Variants in ENAM observed in about 807,000 individuals in gnomAD.
ENAM encodes amelogenesis imperfecta 2, hypocalcification (autosomal dominant).
A neutral mutation model predicts 33.6 loss-of-function variants in ENAM; 21 were observed. The ratio of observed to expected loss-of-function variants is 0.63; its 90% CI spans 0.44 to 0.90. The LOEUF is 0.90. Ranked by LOEUF, ENAM falls within the 40% of genes least tolerant of loss-of-function variation. The pLI is 0.00. For missense variants in ENAM, 1,388 were observed against 1,366.9 expected, an observed-to-expected ratio of 1.02 and a Z score of -0.24; for synonymous variants, 473 against 468.4, an observed-to-expected ratio of 1.01 and a Z score of -0.13.
intron 8 of ENAM, 45 bp downstream of exon 8, chr4:70,637,888 A>C: frequency 7.1e-7 from 1 of 1,406,776 alleles, no homozygotes; most frequent in East Asian, 2.3e-5. Flanking sequence ...ATTACAATCC[A>C]TTCGCCCCTG....
intron 8 of ENAM, among the ~76,000 whole-genome samples, chr4:70,638,368 C>A (rs757357217): frequency 6.7e-6 from 1 of 149,388 alleles, no homozygotes; most frequent in Non-Finnish European, 1.5e-5. Context: ...GAGCTTACTT[C>A]TTTTTCCCTA....
intron 7 of ENAM, among the ~76,000 whole-genome samples, chr4:70,636,596 C>A (rs1738457273): frequency 6.6e-6 from 1 of 152,060 alleles, no homozygotes; most frequent in Admixed American, 6.6e-5. Context: ...AGGTGAAACC[C>A]CGTCTCTACT....
In ENAM at chr4:70,642,217, G is replaced by C. The variant is rs764445290; in HGVS notation, c.791G>C (p.Gly264Ala). 6.2e-7 allele frequency: 1 copy of C among 1,614,110 alleles called. No individual in the cohort carries two copies. Among genetic ancestry groups the C allele is most frequent in the Admixed American group, 1.7e-5 (1 of 60,016 alleles). Residue 264 changes from glycine (G) to alanine (A), a missense_variant, in exon 9 of 9, where the codon GGA becomes GCA. By Grantham distance (60) the Gly-to-Ala change is moderately conservative. Transcript: ENST00000396073. ...TQPNPKGSQG[G>A]NDTSPTGNST... ...CCAAATCCTAAAGGGAGTCAGGGAG[G>C]AAATGACACCAGCCCCACAGGAAAC...
Position 70,642,924 on chromosome 4 carries a change from G to T in ENAM, c.1498G>T (p.Asp500Tyr), listed in dbSNP as rs1198460552. The T allele has an allele frequency of 6.2e-7, 1 of 1,613,926 alleles. No homozygotes were observed. ...TGAAAACTCCTATTACCCAAGAGGA[G>T]ATTCCAGAAAAGTCCCAAATTCTGA... Reference protein sequence around the residue: ...QHENSYYPRGDSRKVPNSDGQ... With the variant: ...QHENSYYPRGYSRKVPNSDGQ... The change falls in exon 9 of 9, where the codon GAT becomes TAT. Residue 500 changes from aspartate (D) to tyrosine (Y), a missense_variant. By Grantham distance (160) the Asp-to-Tyr change is radical (BLOSUM62 -3). Transcript: ENST00000396073.
Position 70,632,652 on chromosome 4 carries a change from T to A in ENAM, c.170T>A (p.Met57Lys). 1 of 1,598,182 alleles carries A rather than the reference T, an allele frequency of 6.3e-7. No homozygotes were observed. The highest frequency in any genetic ancestry group is 1.1e-5 in the South Asian group (1 of 90,752). Reference sequence around the variant, plus strand: ...ATTAATGGATTCCTTTGGTTGCAGATGATGCGGTATAATCAATTCAACTTT... The same window carrying A: ...ATTAATGGATTCCTTTGGTTGCAGAAGATGCGGTATAATCAATTCAACTTT... ...MPGFSSKSEEMMRYNQFNFMN... is the reference protein window; with the variant it reads ...MPGFSSKSEEKMRYNQFNFMN... Residue 57 changes from methionine (M) to lysine (K), a missense_variant and splice_region_variant, in exon 5 of 9, where the codon ATG becomes AAG. Transcript: ENST00000396073.
chr4:70,632,490 G>T (rs958937295), intron 4 of ENAM, among the ~76,000 whole-genome samples, 161 bp from the exon 5 acceptor site: 1 of 152,110 alleles, frequency 6.6e-6, no homozygotes, highest in African/African-American at 2.4e-5. Flanking sequence ...TCAAGCATAA[G>T]TAGGAAAAGG....
Position 70,643,465 on chromosome 4 carries a change from G to A in ENAM, c.2039G>A (p.Gly680Asp). 6.2e-7 allele frequency: 1 copy of A among 1,614,090 alleles called. No individual in the cohort carries two copies. The highest frequency in any genetic ancestry group is 1.3e-5 in the African/African-American group (1 of 75,022). The change falls in exon 9 of 9, where the codon GGC becomes GAC. Residue 680 changes from glycine (G) to aspartate (D), a missense_variant. By Grantham distance (94) the Gly-to-Asp change is moderately conservative (BLOSUM62 -1). Transcript: ENST00000396073. The stretch of plus-strand genomic sequence containing the variant: ...GGTGAAGAGTTGAGCTTCAAAGGAG[G>A]CCCAACAGTTAGGCACTATGAAGGT... Reference protein sequence around the residue: ...RWGEELSFKGGPTVRHYEGEQ... With the variant: ...RWGEELSFKGDPTVRHYEGEQ...
intron 4 of ENAM, among the ~76,000 whole-genome samples, chr4:70,632,442 G>T (rs1738347559): frequency 6.6e-6 from 1 of 151,972 alleles, no homozygotes; most frequent in Admixed American, 6.6e-5. Flanking sequence ...AAGTTAAACT[G>T]CCTGAGAAGC....
Position 70,642,025 on chromosome 4 carries a change from T to C in ENAM, c.599T>C (p.Phe200Ser). The part of the protein sequence containing the change: ...ISNEEGGNPY[F>S]GYFGYHGFGG... The stretch of plus-strand genomic sequence containing the variant: ...TTTTCTTTCCTACAGAATCCTTACT[T>C]TGGATATTTTGGATATCATGGCTTT... Residue 200 changes from phenylalanine (F) to serine (S), a missense_variant, in exon 9 of 9, where the codon TTT becomes TCT. Phe to Ser is a radical substitution (Grantham distance 155, BLOSUM62 -2). Coordinates refer to ENST00000396073, the MANE Select transcript of ENAM (RefSeq NM_031889.3). 1 of 1,612,134 alleles carries C rather than the reference T, an allele frequency of 6.2e-7. No homozygotes were observed. The highest frequency in any genetic ancestry group is 2.2e-5 in the East Asian group (1 of 44,876).
chr4:70,631,564 C>A (rs1412022954), intron 2 of ENAM, 106 bp from the exon 3 acceptor site: 18 of 870,634 alleles, frequency 2.1e-5, no homozygotes, highest in Non-Finnish European at 1.9e-5. Flanking sequence ...CCATCCATTT[C>A]CATACTCTCC....
At chr4:70,640,067 A>G (rs904309500) in intron 8 of ENAM, among the ~76,000 whole-genome samples, 2 of 152,222 alleles carry the variant, frequency 1.3e-5, no homozygotes, top group African/African-American at 4.8e-5. Flanking sequence ...TGCCACACAA[A>G]TGTCTAACAA....
chr4:70,631,796 A>G, intron 3 of ENAM, 53 bp from the exon 4 acceptor site: 1 of 1,610,406 alleles, frequency 6.2e-7, no homozygotes, highest in Non-Finnish European at 8.5e-7. Context: ...ACAATTGTTG[A>G]GCTTATTTCA....
chr4:70,638,446 G>GTTT (rs1262336672), intron 8 of ENAM, among the ~76,000 whole-genome samples: 4 of 85,772 alleles, frequency 4.7e-5, no homozygotes, highest in African/African-American at 2.6e-4. Context: ...GCGACAGATT[G>GTTT]TTCTTTTTTT....
chr4:70,635,852 TG>T lies in ENAM; in HGVS notation c.495del (p.Leu166TyrfsTer112). 6.2e-7 allele frequency: 1 copy of T among 1,609,084 alleles called. No individual in the cohort carries two copies. Among genetic ancestry groups the T allele is most frequent in the Non-Finnish European group, 8.5e-7 (1 of 1,175,968 alleles). ...TCTAGGCATTCCCACCATTTGGAAA[TG>T]GGCTATTCCCCTATCAACAACCACC... is the stretch of plus-strand genomic sequence containing the variant. ...PPQAFPPFGN[G>X]LFPYQQPPWQ... On this transcript the variant is annotated frameshift_variant, in exon 7 of 9. Coordinates refer to ENST00000396073, the MANE Select transcript of ENAM (RefSeq NM_031889.3). LOFTEE classifies it high-confidence loss of function.
Position 70,642,712 on chromosome 4 carries a change from G to A in ENAM, c.1286G>A (p.Arg429His), listed in dbSNP as rs375758699. 7.7e-5 allele frequency: 124 copies of A among 1,604,404 alleles called. No homozygotes were observed. Among genetic ancestry groups the A allele is most frequent in the African/African-American group, 2.3e-4 (17 of 74,080 alleles). ...GGTCCCAAACCTGGCCCTGTTGTTCGCAATGAAAAAATCCAAAATCCAAAG... is the reference window on the plus strand; with the variant it reads ...GGTCCCAAACCTGGCCCTGTTGTTCACAATGAAAAAATCCAAAATCCAAAG... ...PLGPKPGPVV[R>H]NEKIQNPKEK... The change falls in exon 9 of 9, where the codon CGC (arginine) becomes CAC (histidine). Residue 429 changes from arginine to histidine, a missense_variant. Arg to His is a conservative substitution (Grantham distance 29, BLOSUM62 0). Transcript: ENST00000396073.
chr4:70,643,358 C>G lies in ENAM; in HGVS notation c.1932C>G (p.Asp644Glu). 6.2e-7 allele frequency: 1 copy of G among 1,613,986 alleles called. No homozygotes were observed. Among genetic ancestry groups the G allele is most frequent in the Non-Finnish European group, 8.5e-7 (1 of 1,179,936 alleles). The change falls in exon 9 of 9, where the codon GAC becomes GAG. Residue 644 changes from aspartate to glutamate, a missense_variant. Coordinates refer to ENST00000396073, the MANE Select transcript of ENAM (RefSeq NM_031889.3). ...CACTCTACCCCATAAATACCCCAGA[C>G]CAGAAGGAGATAGTCCCTTATAATG... ...ESPLYPINTPDQKEIVPYNEE... is the reference protein window; with the variant it reads ...ESPLYPINTPEQKEIVPYNEE...
intron 2 of ENAM, 145 bp from the exon 3 acceptor site, chr4:70,631,525 G>C (rs1738319704): frequency 2.9e-6 from 2 of 685,610 alleles, no homozygotes; most frequent in Non-Finnish European, 5.3e-6. Flanking sequence ...ATAGTTTCTT[G>C]ACATAAAATA....
At chr4:70,640,468 C>T (rs1342314702) in intron 8 of ENAM, among the ~76,000 whole-genome samples, 1 of 152,098 alleles carries the variant, frequency 6.6e-6, no homozygotes, top group Admixed American at 6.6e-5. Flanking sequence ...GAATAGAGAA[C>T]CCAGAGAATT....
chr4:70,644,273 G>A lies in ENAM; in HGVS notation c.2847G>A (p.Val949=). 1 of 1,614,176 alleles carries A rather than the reference G, an allele frequency of 6.2e-7. No individual in the cohort carries two copies. The highest frequency in any genetic ancestry group is 8.5e-7 in the Non-Finnish European group (1 of 1,180,006). Residue 949 remains valine, a synonymous_variant, in exon 9 of 9, where the codon GTG becomes GTA. Coordinates refer to ENST00000396073, the MANE Select transcript of ENAM (RefSeq NM_031889.3). ...RESQNPFRDD[V]STLRRNTPCS... ...GCCAAAACCCTTTTAGAGATGATGT[G>A]TCCACGCTGAGGAGGAACACACCAT...
Sources: gnomAD v4.1 joint callset for allele counts (sites outside exome capture counted in the v4.1 genomes callset) on GRCh38, gnomAD v4.1.1 for gene constraint, MANE v1.5 for transcripts, NCBI Gene and HGNC (gene_info 2026-07-23, HGNC 2026-07-21) for gene names.